ASAP1: variants seen among roughly 807,000 people sequenced by gnomAD.
The protein encoded by ASAP1 is arf-GAP with SH3 domain, ANK repeat and PH domain-containing protein 1.
ASAP1 carries 43 observed loss-of-function variants against 145.2 expected under a neutral mutation model. The ratio of observed to expected loss-of-function variants is 0.30; its 90% CI spans 0.23 to 0.38. The LOEUF (loss-of-function observed/expected upper bound fraction) is 0.38. ASAP1 is among the 10% of genes least tolerant of loss of function. ASAP1 has a pLI of 1.00. For synonymous variants in ASAP1, 546 were observed against 515.5 expected, an observed-to-expected ratio of 1.06 and a Z score of -0.80; for missense variants, 1,018 against 1,355.3, an observed-to-expected ratio of 0.75 and a Z score of 3.91.
intron 3 of ASAP1, among the ~76,000 whole-genome samples, chr8:130,341,607 G>GTAGT (rs1825385539): frequency 6.6e-6 from 1 of 152,182 alleles, no homozygotes; most frequent in South Asian, 2.1e-4. Flanking sequence ...CACCTCTTAA[G>GTAGT]TAGTCTCTGT....
chr8:130,275,737 C>T (rs35244156), intron 3 of ASAP1, among the ~76,000 whole-genome samples: 4,156 of 151,890 alleles, frequency 0.027, 84 homozygotes, highest in Middle Eastern at 0.072. Context: ...TAAATATTAT[C>T]CAAATAAACA....
chr8:130,108,757 GTTTTTTTTTTTTTTTTTTTTT>G (rs10568607), intron 24 of ASAP1, among the ~76,000 whole-genome samples: 24 of 51,526 alleles, frequency 4.7e-4, no homozygotes, highest in African/African-American at 7.5e-4. Flanking sequence ...TCAAAAACCA[GTTTTTTTTTTTTTTTTTTTTT>G]TTTTTTTTTT....
At chr8:130,194,875 C>A (rs1815374802) in intron 5 of ASAP1, among the ~76,000 whole-genome samples, 1 of 152,162 alleles carries the variant, frequency 6.6e-6, no homozygotes, top group Admixed American at 6.5e-5. Flanking sequence ...GGGTTGGGGG[C>A]CCCTCCTTTA....
At chr8:130,304,829 GTCTT>G (rs1393819987) in intron 3 of ASAP1, among the ~76,000 whole-genome samples, 2 of 152,162 alleles carry the variant, frequency 1.3e-5, no homozygotes, top group East Asian at 3.8e-4. Flanking sequence ...AGTGCTGCTT[GTCTT>G]TCTCAAAATT....
At chr8:130,119,391 T>C (rs564395758) in intron 18 of ASAP1, among the ~76,000 whole-genome samples, 3 of 152,332 alleles carry the variant, frequency 2.0e-5, no homozygotes, top group Admixed American at 2.0e-4. Flanking sequence ...GGAGACCACA[T>C]GGATAACATG....
chr8:130,404,448 G>C (rs985406857), intron 1 of ASAP1, among the ~76,000 whole-genome samples: 2 of 152,192 alleles, frequency 1.3e-5, no homozygotes, highest in Non-Finnish European at 2.9e-5. Context: ...ATAAACATAT[G>C]CTATCCTTCA....
At chr8:130,129,784 C>T (rs1428183765) in intron 15 of ASAP1, among the ~76,000 whole-genome samples, 4 of 151,918 alleles carry the variant, frequency 2.6e-5, no homozygotes, top group Admixed American at 6.6e-5. Context: ...TTGGGAGAAA[C>T]GCATATACAC....
intron 3 of ASAP1, among the ~76,000 whole-genome samples, chr8:130,345,639 T>C (rs1009973317): frequency 6.6e-6 from 1 of 152,144 alleles, no homozygotes; most frequent in Admixed American, 6.5e-5. Context: ...AGCAGGGTAA[T>C]GTGAGAGTTT....
chr8:130,349,572 A>C (rs1565233672), intron 3 of ASAP1, among the ~76,000 whole-genome samples: 1 of 152,194 alleles, frequency 6.6e-6, no homozygotes, highest in Non-Finnish European at 1.5e-5. Context: ...CACACGCTAG[A>C]AGTAATAGGG....
intron 13 of ASAP1, among the ~76,000 whole-genome samples, chr8:130,140,783 C>T (rs2097608811): frequency 1.3e-5 from 2 of 152,126 alleles, no homozygotes; most frequent in Non-Finnish European, 2.9e-5. Context: ...TGACAAATGG[C>T]CATCATCCCA....
chr8:130,409,125 G>A lies in ASAP1; in HGVS notation c.-27-7155C>T, dbSNP rs528524878. Among the ~76,000 whole-genome samples the A allele has an allele frequency of 4.4e-4, 67 of 152,238 alleles. 1 individual carries two copies. The highest frequency in any genetic ancestry group is 8.1e-4 in the Non-Finnish European group (55 of 68,010). On this transcript the variant is annotated intron_variant, in intron 1 of 29. Transcript: ENST00000518721. Reference sequence around the variant, plus strand: ...AAAAATACAAAAATTAGCCAGGCATGGTGGCAGGCGCCTGTAGTCCCAGCT... The same window carrying A: ...AAAAATACAAAAATTAGCCAGGCATAGTGGCAGGCGCCTGTAGTCCCAGCT...
intron 3 of ASAP1, among the ~76,000 whole-genome samples, chr8:130,317,442 A>T (rs1823732790): frequency 6.6e-6 from 1 of 152,236 alleles, no homozygotes; most frequent in Non-Finnish European, 1.5e-5. Context: ...CGACTCACTT[A>T]GCTGCTAATG....
chr8:130,218,790 G>A (rs577640252), intron 4 of ASAP1, among the ~76,000 whole-genome samples: 39 of 151,894 alleles, frequency 2.6e-4, no homozygotes, highest in Non-Finnish European at 5.1e-4. Context: ...TATAGGCTAG[G>A]TCATGGGTCC....
At chr8:130,274,742 G>A (rs1820782038) in intron 3 of ASAP1, among the ~76,000 whole-genome samples, 1 of 152,230 alleles carries the variant, frequency 6.6e-6, no homozygotes, top group African/African-American at 2.4e-5. Flanking sequence ...CAGAGCAGAT[G>A]TATGCTGAAG....
intron 15 of ASAP1, among the ~76,000 whole-genome samples, chr8:130,132,057 G>T (rs2097583982): frequency 6.6e-6 from 1 of 152,166 alleles, no homozygotes; most frequent in South Asian, 2.1e-4. Flanking sequence ...TTGAGAAAGG[G>T]AAATGAGGAA....
intron 3 of ASAP1, among the ~76,000 whole-genome samples, chr8:130,281,168 A>T (rs1821220416): frequency 6.6e-6 from 1 of 152,178 alleles, no homozygotes; most frequent in African/African-American, 2.4e-5. Context: ...AAACTCAATT[A>T]CCTTATCTGT....
intron 12 of ASAP1, among the ~76,000 whole-genome samples, chr8:130,153,476 C>A (rs1193040952): frequency 6.7e-6 from 1 of 149,196 alleles, no homozygotes; most frequent in Non-Finnish European, 1.5e-5. Flanking sequence ...CTCATATGAT[C>A]CTCCCACCTC....
chr8:130,301,450 T>C (rs1051780035), intron 3 of ASAP1, among the ~76,000 whole-genome samples: 2 of 152,204 alleles, frequency 1.3e-5, no homozygotes, highest in African/African-American at 4.8e-5. Context: ...TGGACTTCTG[T>C]AGCATGTTGT....
Position 130,052,619 on chromosome 8 carries a change from A to G in ASAP1, c.*2112T>C, listed in dbSNP as rs1592696479. 1 of 152,344 alleles carries G rather than the reference A, an allele frequency of 6.6e-6. No individual in the cohort carries two copies. The highest frequency in any genetic ancestry group is 1.5e-5 in the Non-Finnish European group (1 of 68,050). The allele number at this position is 152,344 out of a possible 1,614,324, so 9.4% of individuals were successfully genotyped here. On this transcript the variant is annotated 3_prime_UTR_variant, in exon 30 of 30. Coordinates refer to ENST00000518721, the MANE Select transcript of ASAP1 (RefSeq NM_018482.4). Reference sequence around the variant, plus strand: ...ATGGAAAACAAAACCGAACAAAAAAACTAGAAAAAAAAGGTGTTAAAAATG... The same window carrying G: ...ATGGAAAACAAAACCGAACAAAAAAGCTAGAAAAAAAAGGTGTTAAAAATG...
Sources: allele counts gnomAD v4.1 joint callset (sites outside exome capture counted in the v4.1 genomes callset), GRCh38; gene constraint gnomAD v4.1.1; transcripts MANE v1.5; gene names NCBI Gene and HGNC (gene_info 2026-07-23, HGNC 2026-07-21).